The following UHRF1 variants were observed in gnomAD, a reference collection of about 807,000 sequenced individuals.
UHRF1 encodes ubiquitin like with PHD and ring finger domains 1.
UHRF1 carries 9 observed loss-of-function variants against 96.5 expected under a neutral mutation model. That is an observed-to-expected ratio of 0.09 (90% CI 0.06 to 0.16). UHRF1 has a LOEUF of 0.16. UHRF1 is among the 10% of genes least tolerant of loss of function. UHRF1 has a pLI of 1.00. For missense variants in UHRF1, 626 were observed against 1,131.1 expected (o/e 0.55, Z 6.40); for synonymous variants, 455 against 469.9 (o/e 0.97, Z 0.41).
intron 2 of UHRF1, among the ~76,000 whole-genome samples, chr19:4,916,832 C>G (rs981875102): frequency 6.6e-6 from 1 of 152,232 alleles, no homozygotes; most frequent in Non-Finnish European, 1.5e-5. Context: ...CTTCCTTCCC[C>G]CCAGGTCCCG....
intron 2 of UHRF1, among the ~76,000 whole-genome samples, chr19:4,917,072 G>GC (rs2032537263): frequency 8.8e-6 from 1 of 114,122 alleles, no homozygotes; most frequent in Admixed American, 8.0e-5. Flanking sequence ...CAGCTCGGTG[G>GC]GGGGGGGGGG....
chr19:4,930,617 G>A lies in UHRF1; in HGVS notation c.409-99G>A, dbSNP rs1387582077. ...CCTCGCTGTGGGCATTCGAGTTTGC[G>A]CCCTGGTTCCAGAGCATCCCAGTGT... On this transcript the variant is annotated intron_variant, in intron 3 of 16. Coordinates refer to ENST00000650932, the MANE Select transcript of UHRF1 (RefSeq NM_001048201.3). This position sits in a 1 kb window ranked among gnomAD's most constrained non-coding sequence, Gnocchi z 4.4. 11 of 1,421,902 alleles carry A rather than the reference G, an allele frequency of 7.7e-6. No homozygotes were observed. Among genetic ancestry groups the A allele is most frequent in the Middle Eastern group, 1.8e-4 (1 of 5,652 alleles). 88.1% of individuals were successfully genotyped at this position (1,421,902 alleles called of 1,614,324 possible). A position where few individuals can be genotyped will look rare whatever the true frequency, so the allele number is the denominator to read the frequency against.
rs1336200389 is a variant in UHRF1 at position 4,950,845 on chromosome 19, C to T, written c.1681-14C>T. ...GCCTCTGATGGAGCTGACGCTGATG[C>T]CCGCTCTCTGCAGGTTGTGAAATAC... On this transcript the variant is annotated splice_polypyrimidine_tract_variant and intron_variant, in intron 12 of 16. Coordinates refer to ENST00000650932, the MANE Select transcript of UHRF1 (RefSeq NM_001048201.3). 8 of 1,613,856 alleles carry T rather than the reference C, an allele frequency of 5.0e-6. No homozygotes were observed. The Admixed American group carries it at 5.0e-5, about 10-fold the overall frequency.
intron 5 of UHRF1, among the ~76,000 whole-genome samples, chr19:4,935,342 G>A (rs902586607): frequency 2.6e-5 from 4 of 152,110 alleles, no homozygotes; most frequent in East Asian, 1.9e-4. Context: ...GCCTGTGCTC[G>A]TTCACCTTCC....
At position 4,930,319 on chromosome 19, in the gene UHRF1, G is replaced by A. The variant is rs1313823704; in HGVS notation, c.409-397G>A. Among the ~76,000 whole-genome samples, 1 of 152,134 alleles carries A rather than the reference G, an allele frequency of 6.6e-6. No individual in the cohort carries two copies. The highest frequency in any genetic ancestry group is 1.5e-5 in the Non-Finnish European group (1 of 68,030). On this transcript the variant is annotated intron_variant, in intron 3 of 16. Transcript: ENST00000650932. The surrounding 1 kb of genome is among the most constrained non-coding windows in gnomAD (Gnocchi z 4.4). The stretch of plus-strand genomic sequence containing the variant: ...CACAGCGTCTTACCATGTTGCCCAG[G>A]CTAGTCTTGAATTCCGGGGCTCAAG...
intron 5 of UHRF1, among the ~76,000 whole-genome samples, chr19:4,940,037 A>C (rs1024298492): frequency 2.6e-5 from 4 of 151,962 alleles, no homozygotes; most frequent in African/African-American, 7.2e-5. Context: ...AAAAAAAAAA[A>C]ACACATGGGC....
At position 4,932,859 on chromosome 19, in the gene UHRF1, G is replaced by A; in HGVS notation, c.688G>A (p.Asp230Asn). The change falls in exon 5 of 17, where the codon GAC becomes AAC. Residue 230 changes from aspartate to asparagine, a missense_variant. Physicochemically the swap from Asp to Asn is conservative, Grantham distance 23. Transcript: ENST00000650932. ...GGTGGTCATGCTCAACTACAACCCC[G>A]ACAACCCCAAGGAGCGGGGCTTCTG... The part of the protein sequence containing the change: ...GQVVMLNYNP[D>N]NPKERGFWYD... 1 of 1,613,856 alleles carries A rather than the reference G, an allele frequency of 6.2e-7. No individual in the cohort carries two copies.
intron 5 of UHRF1, among the ~76,000 whole-genome samples, chr19:4,939,762 T>G (rs34423330): frequency 6.6e-6 from 1 of 152,140 alleles, no homozygotes; most frequent in South Asian, 2.1e-4. Flanking sequence ...CAGTGGCTCA[T>G]GCCTGTAATC....
intron 9 of UHRF1, 136 bp from the exon 10 acceptor site, chr19:4,945,725 G>C: frequency 1.5e-6 from 1 of 668,536 alleles, no homozygotes; most frequent in Non-Finnish European, 2.8e-6. Context: ...ACACGTAGTA[G>C]GTGACTCGCA....
intron 15 of UHRF1, among the ~76,000 whole-genome samples, 166 bp from the exon 16 acceptor site, chr19:4,956,543 T>C (rs2033861478): frequency 6.6e-6 from 1 of 152,196 alleles, no homozygotes; most frequent in Non-Finnish European, 1.5e-5. Context: ...TCATGCCTGT[T>C]GGGCCTCTGT....
chr19:4,917,458 A>G (rs961786158), intron 2 of UHRF1, among the ~76,000 whole-genome samples: 4 of 151,750 alleles, frequency 2.6e-5, no homozygotes, highest in African/African-American at 4.8e-5. Flanking sequence ...GATCGAGACC[A>G]TGCTGGCCAA....
At chr19:4,953,364 A>C (rs919207585) in intron 13 of UHRF1, among the ~76,000 whole-genome samples, 2 of 152,214 alleles carry the variant, frequency 1.3e-5, no homozygotes, top group African/African-American at 4.8e-5. Context: ...AGTTTAATCT[A>C]TAAATTAGGC....
At position 4,917,725 on chromosome 19, in the gene UHRF1, A is replaced by G. The variant is rs370178299; in HGVS notation, c.153+6687A>G. On this transcript the variant is annotated intron_variant, in intron 2 of 16. Transcript: ENST00000650932. ...CAGGCTGGAGTGCAGCGGCGTGATC[A>G]TGGCTTACTGCAACCTCTGTTTTCC... Among the ~76,000 whole-genome samples the G allele has an allele frequency of 3.7e-4, 54 of 147,834 alleles. 1 individual carries two copies. Among genetic ancestry groups the G allele is most frequent in the African/African-American group, 1.2e-3 (49 of 40,316 alleles).
At chr19:4,945,613 A>G (rs1285786607) in intron 9 of UHRF1, among the ~76,000 whole-genome samples, 1 of 149,874 alleles carries the variant, frequency 6.7e-6, no homozygotes, top group Non-Finnish European at 1.5e-5. Context: ...AGCAGTGAGG[A>G]TGCCCCGTGC....
intron 11 of UHRF1, among the ~76,000 whole-genome samples, chr19:4,949,137 G>A (rs1026434432): frequency 3.3e-5 from 5 of 150,502 alleles, no homozygotes; most frequent in African/African-American, 1.2e-4. Context: ...AAAAAAAAGA[G>A]AATATGGAAA....
exon 1 of UHRF1, chr19:4,903,113 G>A (rs1368028201): frequency 1.5e-5 from 6 of 387,806 alleles, no homozygotes; most frequent in African/African-American, 8.3e-5. Context: ...TGCAACCTCC[G>A]CCTCATGGGT....
At chr19:4,946,016 T>C in intron 10 of UHRF1, 51 bp downstream of exon 10, 1 of 1,401,646 alleles carries the variant, frequency 7.1e-7, no homozygotes, top group Non-Finnish European at 9.8e-7. Context: ...GTTTTTTGGA[T>C]GGTGGTAAAA....
intron 2 of UHRF1, among the ~76,000 whole-genome samples, chr19:4,917,016 C>A (rs973294533): frequency 1.3e-4 from 19 of 151,800 alleles, no homozygotes; most frequent in Admixed American, 1.0e-3. Context: ...GTGTTCGGCA[C>A]CCTGAAAGAG....
chr19:4,927,339 C>T (rs2032903927), intron 2 of UHRF1, among the ~76,000 whole-genome samples: 3 of 148,246 alleles, frequency 2.0e-5, no homozygotes. Flanking sequence ...TGAGATCACA[C>T]CCCTACACTC....
Sources: allele counts gnomAD v4.1 joint callset (sites outside exome capture counted in the v4.1 genomes callset), GRCh38; gene constraint gnomAD v4.1.1; non-coding constraint Gnocchi (gnomAD v3.1); transcripts MANE v1.5; gene names NCBI Gene and HGNC (gene_info 2026-07-23, HGNC 2026-07-21).